Variants in AKAP19 observed in about 807,000 individuals in gnomAD.
AKAP19 encodes the protein A-kinase anchoring protein 19, also known as small A-kinase anchoring protein.
the AKAP19 span, among the ~76,000 whole-genome samples, chr2:190,095,781 CA>C: frequency 1.3e-5 from 2 of 152,222 alleles, no homozygotes; most frequent in African/African-American, 2.4e-5. Context: ...ATGATATACA[CA>C]AAGGAATTTA....
At chr2:190,122,960 C>T in the AKAP19 span, among the ~76,000 whole-genome samples, 5,465 of 151,998 alleles carry the variant, frequency 0.036, 152 homozygotes, top group African/African-American at 0.071. Context: ...TAGGCATATA[C>T]CACCATGCCT....
At chr2:190,077,089 T>C in the AKAP19 span, among the ~76,000 whole-genome samples, 1 of 152,156 alleles carries the variant, frequency 6.6e-6, no homozygotes, top group Non-Finnish European at 1.5e-5. Context: ...ATTTCAGATA[T>C]TATATTTCAT....
chr2:190,122,729 C>T, the AKAP19 span, among the ~76,000 whole-genome samples: 2 of 151,868 alleles, frequency 1.3e-5, no homozygotes, highest in Admixed American at 6.6e-5. Context: ...TTTCACATTG[C>T]ATTGTATTAA....
chr2:189,901,830 G>A, the AKAP19 span, among the ~76,000 whole-genome samples: 5 of 151,946 alleles, frequency 3.3e-5, no homozygotes, highest in Non-Finnish European at 1.5e-5. Context: ...TCTGCTGTTA[G>A]CTATATTCCC....
At chr2:189,977,986 G>T in the AKAP19 span, among the ~76,000 whole-genome samples, 20 of 152,212 alleles carry the variant, frequency 1.3e-4, no homozygotes, top group Admixed American at 3.3e-4. Context: ...TATAAAATAG[G>T]TTTTGTGTTA....
At chr2:189,898,413 T>A in the AKAP19 span, among the ~76,000 whole-genome samples, 1 of 152,138 alleles carries the variant, frequency 6.6e-6, no homozygotes, top group African/African-American at 2.4e-5. Context: ...TATTTTTTTT[T>A]AAAGCATCCC....
the AKAP19 span, among the ~76,000 whole-genome samples, chr2:189,958,954 T>C: frequency 0.034 from 5,217 of 152,040 alleles, 285 homozygotes; most frequent in African/African-American, 0.12. Context: ...TTTAGTACCC[T>C]AAAGAAAAGC....
chr2:190,087,580 C>T, the AKAP19 span, among the ~76,000 whole-genome samples: 2 of 152,236 alleles, frequency 1.3e-5, no homozygotes. Context: ...TTCCTCAGGC[C>T]TCCCTTTAAC....
the AKAP19 span, among the ~76,000 whole-genome samples, chr2:190,110,473 T>A: frequency 6.6e-6 from 1 of 152,206 alleles, no homozygotes; most frequent in South Asian, 2.1e-4. Context: ...TTAAGCATGT[T>A]TTTCTTTAAA....
the AKAP19 span, among the ~76,000 whole-genome samples, chr2:190,028,068 ATATCTCCCT>A: frequency 7.2e-5 from 11 of 152,124 alleles, no homozygotes; most frequent in African/African-American, 2.4e-4. Flanking sequence ...CTCTCTGCAC[ATATCTCCCT>A]GACTTCCTGG....
the AKAP19 span, among the ~76,000 whole-genome samples, chr2:190,124,306 T>TA: frequency 3.9e-5 from 6 of 152,242 alleles, no homozygotes; most frequent in Admixed American, 1.3e-4. Flanking sequence ...AGATTATACT[T>TA]ACACAAACCT....
the AKAP19 span, among the ~76,000 whole-genome samples, chr2:190,198,317 A>T: frequency 6.6e-6 from 1 of 152,170 alleles, no homozygotes; most frequent in Non-Finnish European, 1.5e-5. Flanking sequence ...TAAAAAATGA[A>T]TTAGATGCAC....
chr2:190,175,384 G>C, the AKAP19 span, among the ~76,000 whole-genome samples: 124 of 152,330 alleles, frequency 8.1e-4, 2 homozygotes, highest in East Asian at 0.013. Context: ...TGATGGTATA[G>C]TTGACAGCTT....
chr2:189,950,530 G>A, the AKAP19 span, among the ~76,000 whole-genome samples: 18 of 151,808 alleles, frequency 1.2e-4, no homozygotes, highest in Admixed American at 2.0e-4. Flanking sequence ...GTAAGAGAGG[G>A]GCTAATGGTA....
chr2:190,143,264 T>C, the AKAP19 span, among the ~76,000 whole-genome samples: 1 of 136,882 alleles, frequency 7.3e-6, no homozygotes, highest in Non-Finnish European at 1.6e-5. Context: ...GTATTATTCC[T>C]GTCAAACTTT....
At chr2:189,924,383 G>A in the AKAP19 span, among the ~76,000 whole-genome samples, 3 of 151,966 alleles carry the variant, frequency 2.0e-5, no homozygotes, top group East Asian at 3.8e-4. Flanking sequence ...ATTGCCCCGC[G>A]CCTAGTCCCA....
At chr2:190,009,615 A>G in the AKAP19 span, among the ~76,000 whole-genome samples, 6 of 152,342 alleles carry the variant, frequency 3.9e-5, no homozygotes, top group Admixed American at 6.5e-5. Context: ...GATGTCTATT[A>G]AAATCCAAAG....
At chr2:190,054,804 A>C in the AKAP19 span, among the ~76,000 whole-genome samples, 59 of 152,168 alleles carry the variant, frequency 3.9e-4, no homozygotes, top group East Asian at 9.4e-3. Flanking sequence ...GCTAGAATGG[A>C]GATCATTAAA....
chr2:190,068,965 G>A, the AKAP19 span, among the ~76,000 whole-genome samples: 2 of 152,112 alleles, frequency 1.3e-5, no homozygotes, highest in Non-Finnish European at 2.9e-5. Flanking sequence ...TTCTCACACC[G>A]TGTGGCTCTT....
Sources: allele counts gnomAD v4.1 joint callset (sites outside exome capture counted in the v4.1 genomes callset), GRCh38; gene constraint gnomAD v4.1.1; transcripts MANE v1.5; gene names NCBI Gene and HGNC (gene_info 2026-07-23, HGNC 2026-07-21).